Variants in TRAF3IP1 observed in about 807,000 individuals in gnomAD.
TRAF3IP1 encodes intraflagellar transport 54.
TRAF3IP1 carries 53 observed loss-of-function variants against 89.9 expected under a neutral mutation model. That is an observed-to-expected ratio of 0.59 (90% CI 0.47 to 0.74). The LOEUF (loss-of-function observed/expected upper bound fraction) is 0.74, where lower values mean the gene tolerates loss of function less well. Ranked by LOEUF, TRAF3IP1 falls within the 30% of genes least tolerant of loss-of-function variation. TRAF3IP1 has a pLI of 0.00. For missense variants in TRAF3IP1, 806 were observed against 866.1 expected, an observed-to-expected ratio of 0.93 and a Z score of 0.87; for synonymous variants, 311 against 322.1, an observed-to-expected ratio of 0.97 and a Z score of 0.37.
In TRAF3IP1 at chr2:238,320,853, C is replaced by A. The variant is rs190103625; in HGVS notation, c.123+68C>A. ...TCCGGTGGGCGCCGAGGTCAGGGCC[C>A]GGGCCGGGTGGCGCCGGGTGCGAGC... On this transcript the variant is annotated intron_variant, in intron 1 of 16. Transcript: ENST00000373327. The A allele has an allele frequency of 5.8e-4, 713 of 1,227,434 alleles. 2 individuals are homozygous for A. In the African/African-American group the frequency reaches 1.0e-2, roughly 17 times the overall value. 76.0% of individuals were successfully genotyped at this position (1,227,434 alleles called of 1,614,324 possible).
At chr2:238,396,089 T>A (rs1343662783) in intron 15 of TRAF3IP1, among the ~76,000 whole-genome samples, 2 of 152,124 alleles carry the variant, frequency 1.3e-5, no homozygotes, top group Non-Finnish European at 2.9e-5. Context: ...CGTATGTTTA[T>A]TGCGGCACTA....
chr2:238,357,405 A>G (rs1418692963), intron 15 of TRAF3IP1, among the ~76,000 whole-genome samples: 1 of 152,238 alleles, frequency 6.6e-6, no homozygotes, highest in Non-Finnish European at 1.5e-5. Flanking sequence ...ACACATACGT[A>G]CACACACATG....
chr2:238,356,353 C>T (rs756595371), intron 15 of TRAF3IP1, among the ~76,000 whole-genome samples: 24 of 152,074 alleles, frequency 1.6e-4, no homozygotes, highest in Non-Finnish European at 2.6e-4. Flanking sequence ...AAAAATTACC[C>T]GGGTGTGGTG....
rs1574898099 is a variant in TRAF3IP1, at chr2:238,331,414, T to C, written c.916-1410T>C. ...ATCGTTTGAACTCGGGAGGCGGAGG[T>C]TGCAGTGAGCTGACATCACGCCACT... On this transcript the variant is annotated intron_variant, in intron 5 of 16. Coordinates refer to ENST00000373327, the MANE Select transcript of TRAF3IP1 (RefSeq NM_015650.4). Among the ~76,000 whole-genome samples, 3 of 151,962 alleles carry C rather than the reference T, an allele frequency of 2.0e-5. No homozygotes were observed. The South Asian group carries it at 6.2e-4, about 32-fold the overall frequency.
intron 15 of TRAF3IP1, among the ~76,000 whole-genome samples, chr2:238,371,892 A>G (rs1019590974): frequency 4.3e-4 from 66 of 152,250 alleles, no homozygotes; most frequent in African/African-American, 1.5e-3. Context: ...TATGGCTTGC[A>G]TATTTCTATT....
chr2:238,352,168 C>A (rs564408049), intron 12 of TRAF3IP1, among the ~76,000 whole-genome samples: 2 of 152,118 alleles, frequency 1.3e-5, no homozygotes, highest in Admixed American at 1.3e-4. Context: ...TGAGAGAGCC[C>A]TTGGGTGAAG....
intron 14 of TRAF3IP1, among the ~76,000 whole-genome samples, chr2:238,355,529 A>C (rs1436830760): frequency 6.6e-6 from 1 of 152,270 alleles, no homozygotes. Context: ...TTATTCAGTC[A>C]GCCTCGGGCT....
chr2:238,363,983 A>G (rs1339454430), intron 15 of TRAF3IP1, among the ~76,000 whole-genome samples: 13 of 152,206 alleles, frequency 8.5e-5, no homozygotes, highest in African/African-American at 2.4e-5. Context: ...AAATAAAAAT[A>G]AAAATGTATC....
chr2:238,333,660 G>GCACA (rs1227262242), intron 6 of TRAF3IP1, among the ~76,000 whole-genome samples: 2 of 152,214 alleles, frequency 1.3e-5, no homozygotes, highest in Non-Finnish European at 2.9e-5. Flanking sequence ...CAGAAGTGGA[G>GCACA]TCCTCATAAG....
At position 238,353,531 on chromosome 2, in the gene TRAF3IP1, G is replaced by A. The variant is rs970492934; in HGVS notation, c.1612+322G>A. On this transcript the variant is annotated intron_variant, in intron 14 of 16. Transcript: ENST00000373327. ...AAGTAGATGATCTCTGAGGCCCTTT[G>A]CAAGTCTAGTTCTGGAATGTTATTG... is the stretch of plus-strand genomic sequence containing the variant. Among the ~76,000 whole-genome samples, 16 of 152,306 alleles carry A rather than the reference G, an allele frequency of 1.1e-4. No individual in the cohort carries two copies. In the East Asian group the frequency reaches 3.1e-3, roughly 29 times the overall value.
chr2:238,375,993 C>G (rs1343891520), intron 15 of TRAF3IP1, among the ~76,000 whole-genome samples: 2 of 152,138 alleles, frequency 1.3e-5, no homozygotes, highest in African/African-American at 4.8e-5. Flanking sequence ...ATGAAAGTTC[C>G]ATATGCGTGG....
intron 15 of TRAF3IP1, among the ~76,000 whole-genome samples, chr2:238,377,184 A>G (rs974225210): frequency 6.8e-6 from 1 of 147,938 alleles, no homozygotes; most frequent in African/African-American, 2.5e-5. Flanking sequence ...GAGTAGGAAT[A>G]GTAATGGTGA....
intron 8 of TRAF3IP1, among the ~76,000 whole-genome samples, chr2:238,340,698 T>A (rs1698599931): frequency 6.6e-6 from 1 of 152,190 alleles, no homozygotes; most frequent in Non-Finnish European, 1.5e-5. Flanking sequence ...TCTCTAACTG[T>A]TTCTATTGTG....
intron 15 of TRAF3IP1, among the ~76,000 whole-genome samples, chr2:238,378,732 G>A (rs547051769): frequency 1.3e-5 from 2 of 152,262 alleles, no homozygotes; most frequent in Middle Eastern, 3.4e-3. Context: ...AGTCTGATGG[G>A]TGATCTGGGT....
At chr2:238,367,322 G>A (rs1418912785) in intron 15 of TRAF3IP1, among the ~76,000 whole-genome samples, 1 of 152,094 alleles carries the variant, frequency 6.6e-6, no homozygotes, top group Non-Finnish European at 1.5e-5. Flanking sequence ...AGGGGATGTG[G>A]CACAAGTTTC....
At chr2:238,349,443 C>A in intron 12 of TRAF3IP1, 35 bp downstream of exon 12, 1 of 1,601,116 alleles carries the variant, frequency 6.2e-7, no homozygotes, top group Non-Finnish European at 8.5e-7. Flanking sequence ...TCCAGCCACA[C>A]AGTGTGTTCT....
chr2:238,368,044 A>T (rs1699960298), intron 15 of TRAF3IP1, among the ~76,000 whole-genome samples: 1 of 151,468 alleles, frequency 6.6e-6, no homozygotes, highest in Admixed American at 6.6e-5. Context: ...TTTCCAAAAC[A>T]TATTCACTTG....
At chr2:238,384,795 A>C (rs1301536334) in intron 15 of TRAF3IP1, among the ~76,000 whole-genome samples, 1 of 152,136 alleles carries the variant, frequency 6.6e-6, no homozygotes, top group Non-Finnish European at 1.5e-5. Flanking sequence ...AAGAATTGCT[A>C]GTAATTTTTT....
chr2:238,337,154 C>G (rs571779074), intron 7 of TRAF3IP1, among the ~76,000 whole-genome samples: 1 of 152,232 alleles, frequency 6.6e-6, no homozygotes, highest in Non-Finnish European at 1.5e-5. Flanking sequence ...TTCACTGATT[C>G]TGCAGACATT....
Sources: gnomAD v4.1 joint callset for allele counts (sites outside exome capture counted in the v4.1 genomes callset) on GRCh38, gnomAD v4.1.1 for gene constraint, MANE v1.5 for transcripts, NCBI Gene and HGNC (gene_info 2026-07-23, HGNC 2026-07-21) for gene names.